Variants in KCND2 observed in about 807,000 individuals in gnomAD.
The protein encoded by KCND2 is A-type voltage-gated potassium channel KCND2.
In KCND2, 16 loss-of-function variants were observed where a neutral mutation model predicts 54.4. The ratio of observed to expected loss-of-function variants is 0.29; its 90% CI spans 0.20 to 0.45. The LOEUF (loss-of-function observed/expected upper bound fraction) is 0.45. Among genes scored for constraint, KCND2 ranks in the 20% least tolerant of loss-of-function variants. The pLI, the probability that KCND2 is intolerant of heterozygous loss-of-function variation, is 1.00. For missense variants in KCND2, 486 were observed against 824.2 expected (o/e 0.59, Z 5.02); for synonymous variants, 317 against 310.7 (o/e 1.02, Z -0.21).
intron 1 of KCND2, among the ~76,000 whole-genome samples, chr7:120,727,982 A>G (rs1300629615): frequency 2.0e-5 from 3 of 151,634 alleles, no homozygotes; most frequent in Non-Finnish European, 4.4e-5. Flanking sequence ...AAAAATACAA[A>G]AATTAGCTGG....
rs574632064 is a variant in KCND2 at position 120,341,634 on chromosome 7, A to T, written c.1115+65887A>T. On this transcript the variant is annotated intron_variant, in intron 1 of 5. Transcript: ENST00000331113. ...GACACTACTGGTAATGGATATGTCT[A>T]TAAATGACCTGGACTTATTTGGCTG... Among the ~76,000 whole-genome samples the T allele has an allele frequency of 2.0e-5, 3 of 152,278 alleles. No individual in the cohort carries two copies. In the South Asian group the frequency reaches 6.2e-4, roughly 32 times the overall value.
intron 1 of KCND2, among the ~76,000 whole-genome samples, chr7:120,304,010 GC>G: frequency 6.6e-6 from 1 of 152,224 alleles, no homozygotes; most frequent in East Asian, 1.9e-4. Flanking sequence ...CATTATTGAA[GC>G]TTTTGACAGA....
intron 1 of KCND2, among the ~76,000 whole-genome samples, chr7:120,405,253 T>A (rs1801334224): frequency 6.6e-6 from 1 of 152,158 alleles, no homozygotes; most frequent in African/African-American, 2.4e-5. Flanking sequence ...ATTTTCAATT[T>A]TAAAGCTAAC....
At chr7:120,725,350 T>A (rs1263652944) in intron 1 of KCND2, among the ~76,000 whole-genome samples, 2 of 152,228 alleles carry the variant, frequency 1.3e-5, no homozygotes, top group East Asian at 3.8e-4. Context: ...TAGAGAAAAT[T>A]ACTTATCTTT....
intron 1 of KCND2, among the ~76,000 whole-genome samples, chr7:120,528,338 A>G (rs1433083289): frequency 1.3e-5 from 2 of 152,166 alleles, no homozygotes; most frequent in African/African-American, 4.8e-5. Context: ...TTACATATAT[A>G]GAAGAGTTTT....
intron 1 of KCND2, among the ~76,000 whole-genome samples, chr7:120,682,292 G>T (rs956031611): frequency 6.6e-6 from 1 of 151,748 alleles, no homozygotes; most frequent in Admixed American, 6.6e-5. Context: ...TAAACATGGG[G>T]TATTAATACA....
intron 1 of KCND2, among the ~76,000 whole-genome samples, chr7:120,355,861 C>T (rs898955213): frequency 1.3e-5 from 2 of 152,188 alleles, no homozygotes; most frequent in Non-Finnish European, 2.9e-5. Flanking sequence ...TTCTGAGTAA[C>T]TTCCACTTGA....
intron 1 of KCND2, among the ~76,000 whole-genome samples, chr7:120,372,073 A>G (rs181130438): frequency 4.6e-5 from 7 of 151,996 alleles, no homozygotes; most frequent in Admixed American, 2.6e-4. Context: ...GGACATACTG[A>G]TTTTATTCTT....
At chr7:120,680,326 T>C (rs2116588075) in intron 1 of KCND2, among the ~76,000 whole-genome samples, 1 of 152,234 alleles carries the variant, frequency 6.6e-6, no homozygotes, top group East Asian at 1.9e-4. Context: ...TTTCTCTTCT[T>C]CTGCACTCAT....
intron 1 of KCND2, among the ~76,000 whole-genome samples, chr7:120,566,384 G>A (rs190313442): frequency 1.3e-5 from 2 of 151,990 alleles, no homozygotes; most frequent in Non-Finnish European, 2.9e-5. Flanking sequence ...TCTGTTCCCA[G>A]GCTGTAGTGC....
At chr7:120,433,573 T>G (rs536086100) in intron 1 of KCND2, among the ~76,000 whole-genome samples, 14 of 152,302 alleles carry the variant, frequency 9.2e-5, no homozygotes, top group African/African-American at 3.4e-4. Context: ...CTGTTACCCC[T>G]TGGTGTAAAA....
Position 120,618,582 on chromosome 7 carries a change from G to T in KCND2, c.1116-114321G>T, listed in dbSNP as rs537852569. Among the ~76,000 whole-genome samples the T allele has an allele frequency of 3.3e-5, 5 of 151,740 alleles. No individual in the cohort carries two copies. In the South Asian group the frequency reaches 1.0e-3, roughly 32 times the overall value. ...TTAAAGACAGCCATTGTTTCACAAAGAAAATACATACAATTATTTTAGAAA... is the reference window on the plus strand; with the variant it reads ...TTAAAGACAGCCATTGTTTCACAAATAAAATACATACAATTATTTTAGAAA... On this transcript the variant is annotated intron_variant, in intron 1 of 5. Coordinates refer to ENST00000331113, the MANE Select transcript of KCND2 (RefSeq NM_012281.3).
intron 1 of KCND2, among the ~76,000 whole-genome samples, chr7:120,607,651 A>G (rs1016952145): frequency 2.6e-5 from 4 of 152,144 alleles, no homozygotes; most frequent in African/African-American, 9.6e-5. Context: ...AGATGATTGT[A>G]GCTAATACAC....
intron 1 of KCND2, among the ~76,000 whole-genome samples, chr7:120,388,726 C>A (rs574095190): frequency 9.2e-5 from 14 of 152,026 alleles, no homozygotes; most frequent in African/African-American, 3.1e-4. Context: ...TGTGTATTCT[C>A]TACAAAACTT....
chr7:120,588,838 G>C (rs1792634067), intron 1 of KCND2, among the ~76,000 whole-genome samples: 1 of 152,084 alleles, frequency 6.6e-6, no homozygotes. Context: ...GATTTCTTTA[G>C]GCTTGGGACA....
chr7:120,390,466 A>G (rs1801056860), intron 1 of KCND2, among the ~76,000 whole-genome samples: 1 of 151,920 alleles, frequency 6.6e-6, no homozygotes, highest in Non-Finnish European at 1.5e-5. Flanking sequence ...AGATACCTTA[A>G]TTATTTTCCC....
intron 1 of KCND2, among the ~76,000 whole-genome samples, chr7:120,550,128 C>T (rs1467048818): frequency 6.6e-6 from 1 of 151,970 alleles, no homozygotes; most frequent in Non-Finnish European, 1.5e-5. Flanking sequence ...CTGCCACCCC[C>T]ACTCCACGCC....
chr7:120,328,137 G>C (rs1435448949), intron 1 of KCND2, among the ~76,000 whole-genome samples: 1 of 152,032 alleles, frequency 6.6e-6, no homozygotes, highest in African/African-American at 2.4e-5. Flanking sequence ...TGGACCTGGT[G>C]GTGGTATTGT....
intron 1 of KCND2, among the ~76,000 whole-genome samples, chr7:120,361,117 C>G (rs1208559597): frequency 2.0e-5 from 3 of 151,738 alleles, no homozygotes; most frequent in Non-Finnish European, 4.4e-5. Flanking sequence ...TACAAAATCC[C>G]CAAAGTAGTA....
Sources: gnomAD v4.1 joint callset for allele counts (sites outside exome capture counted in the v4.1 genomes callset) on GRCh38, gnomAD v4.1.1 for gene constraint, MANE v1.5 for transcripts, NCBI Gene and HGNC (gene_info 2026-07-23, HGNC 2026-07-21) for gene names.